Variants in CNOT6 observed in about 807,000 individuals in gnomAD.
CNOT6 encodes the protein CCR4-NOT transcription complex subunit 6, also known as carbon catabolite repression 4 protein.
In CNOT6, 12 loss-of-function variants were observed where a neutral mutation model predicts 61.2. The observed-to-expected ratio is 0.20, with a 90% CI of 0.13 to 0.32. CNOT6 has a LOEUF of 0.32. Ranked by LOEUF, CNOT6 falls within the 10% of genes least tolerant of loss-of-function variation. CNOT6 has a pLI of 1.00. For missense variants in CNOT6, 405 were observed against 663.9 expected, an observed-to-expected ratio of 0.61 and a Z score of 4.28; for synonymous variants, 225 against 240.6, an observed-to-expected ratio of 0.94 and a Z score of 0.60.
intron 1 of CNOT6, among the ~76,000 whole-genome samples, chr5:180,514,306 C>T (rs1321455706): frequency 6.6e-6 from 1 of 152,116 alleles, no homozygotes; most frequent in Non-Finnish European, 1.5e-5. Context: ...CCTGTAATCC[C>T]ATCTACTCGG....
chr5:180,564,474 C>A lies in CNOT6; in HGVS notation c.386-15C>A. 1 of 1,556,900 alleles carries A rather than the reference C, an allele frequency of 6.4e-7. No individual in the cohort carries two copies. Among genetic ancestry groups the A allele is most frequent in the Non-Finnish European group, 8.8e-7 (1 of 1,137,568 alleles). On this transcript the variant is annotated splice_polypyrimidine_tract_variant and intron_variant, in intron 4 of 11. Coordinates refer to ENST00000261951, the MANE Select transcript of CNOT6 (RefSeq NM_001370472.1). ...TTACTTAGTTTCATTTTACTTATTT[C>A]AAAAATATTTCCAGGAAATCCCCTT...
rs1007172152 is a variant in CNOT6, at chr5:180,550,033, A to G, written c.215A>G (p.Lys72Arg). Residue 72 changes from lysine (K) to arginine (R), a missense_variant, in exon 3 of 12, where the codon AAG becomes AGG. By Grantham distance (26) the Lys-to-Arg change is conservative. Transcript: ENST00000261951. ...SLSRIPSDIA[K>R]LHNLVYLDLS... ...TCCCGAATTCCTTCAGACATTGCCA[A>G]GCTTCACAATCTGGTGTATTTGGAC... The G allele has an allele frequency of 3.7e-6, 6 of 1,614,068 alleles. No homozygotes were observed. The Admixed American group carries it at 6.7e-5, about 18-fold the overall frequency.
intron 2 of CNOT6, among the ~76,000 whole-genome samples, chr5:180,541,294 A>G (rs1199517130): frequency 1.3e-5 from 2 of 151,104 alleles, no homozygotes; most frequent in Non-Finnish European, 2.9e-5. Context: ...GCGCACCACC[A>G]CATCTGGCTA....
chr5:180,549,512 T>C (rs1041452244), intron 2 of CNOT6, among the ~76,000 whole-genome samples: 6 of 151,972 alleles, frequency 3.9e-5, no homozygotes, highest in Non-Finnish European at 5.9e-5. Context: ...TAGCCGGGCA[T>C]GGTGGCGGGT....
intron 10 of CNOT6, among the ~76,000 whole-genome samples, 157 bp downstream of exon 10, chr5:180,569,497 C>G (rs962768237): frequency 6.6e-6 from 1 of 152,060 alleles, no homozygotes; most frequent in African/African-American, 2.4e-5. Context: ...GTGGAGGGGC[C>G]ATTTTGAAGA....
At chr5:180,514,279 A>C (rs974694874) in intron 1 of CNOT6, among the ~76,000 whole-genome samples, 1 of 152,068 alleles carries the variant, frequency 6.6e-6, no homozygotes, top group African/African-American at 2.4e-5. Context: ...AAAATCAGCC[A>C]CATGTGTTGG....
intron 1 of CNOT6, among the ~76,000 whole-genome samples, chr5:180,502,896 A>G (rs538320258): frequency 1.2e-3 from 185 of 152,358 alleles, no homozygotes; most frequent in African/African-American, 4.1e-3. Flanking sequence ...TCAGCATCAT[A>G]AAACAATATT....
In CNOT6 at chr5:180,573,604, CGT is replaced by C. The variant is rs1262080683; in HGVS notation, c.1462-383_1462-382del. On this transcript the variant is annotated intron_variant, in intron 11 of 11. Transcript: ENST00000261951. ...GTGTGTGTGTGTGTGTGTGTGTGTC[CGT>C]CCGTCCGTCCGTCCTGGGGCAGGAA... 3.2e-3 allele frequency among the ~76,000 whole-genome samples: 47 copies of C among 14,544 alleles called. 1 individual carries two copies. Among genetic ancestry groups the C allele is most frequent in the African/African-American group, 6.9e-3 (44 of 6,408 alleles). 9.5% of individuals were successfully genotyped at this position (14,544 alleles called of 152,430 possible).
chr5:180,557,501 T>C (rs752194173), intron 4 of CNOT6, among the ~76,000 whole-genome samples: 2 of 152,232 alleles, frequency 1.3e-5, no homozygotes, highest in Non-Finnish European at 2.9e-5. Context: ...TTGCAGGTGC[T>C]TATTTGTCAT....
chr5:180,577,311 C>G lies in CNOT6; in HGVS notation c.*3111C>G, dbSNP rs992398064. 1 of 152,464 alleles carries G rather than the reference C, an allele frequency of 6.6e-6. No individual in the cohort carries two copies. The highest frequency in any genetic ancestry group is 2.4e-5 in the African/African-American group (1 of 41,390). The allele number at this position is 152,464 out of a possible 1,614,324, so 9.4% of individuals were successfully genotyped here. ...CTTCTAAATGTTTAAATTAAAATTT[C>G]AAAGCTCTTTCGAGATTCAGGTTCT... On this transcript the variant is annotated 3_prime_UTR_variant, in exon 12 of 12. Transcript: ENST00000261951.
intron 1 of CNOT6, among the ~76,000 whole-genome samples, chr5:180,515,470 G>A (rs1397442788): frequency 6.6e-6 from 1 of 152,104 alleles, no homozygotes; most frequent in East Asian, 1.9e-4. Flanking sequence ...CTAAGTTGAG[G>A]TAGTAGAGGA....
At chr5:180,554,698 T>A (rs964745377) in intron 4 of CNOT6, among the ~76,000 whole-genome samples, 1 of 152,164 alleles carries the variant, frequency 6.6e-6, no homozygotes, top group Non-Finnish European at 1.5e-5. Context: ...TATTTCCCAG[T>A]CTAGCTGTTT....
At chr5:180,536,279 G>A (rs1010920219) in intron 2 of CNOT6, among the ~76,000 whole-genome samples, 10 of 152,070 alleles carry the variant, frequency 6.6e-5, no homozygotes, top group Non-Finnish European at 1.5e-4. Context: ...GATTACAGGT[G>A]TGAGCCACCG....
intron 1 of CNOT6, among the ~76,000 whole-genome samples, chr5:180,516,290 C>T (rs1757634655): frequency 6.6e-6 from 1 of 151,700 alleles, no homozygotes; most frequent in Non-Finnish European, 1.5e-5. Flanking sequence ...AATCGATTCT[C>T]CTGCCTCAGC....
At chr5:180,569,886 G>A (rs549323352) in intron 10 of CNOT6, among the ~76,000 whole-genome samples, 13 of 152,272 alleles carry the variant, frequency 8.5e-5, no homozygotes, top group African/African-American at 2.2e-4. Context: ...CGCTCTTTCC[G>A]TGGATAGTAT....
rs201149749 is a variant in CNOT6, at chr5:180,500,443, T to TTC, written c.-3+5681_-3+5682insCT. Among the ~76,000 whole-genome samples, 329 of 115,350 alleles carry TTC rather than the reference T, an allele frequency of 2.9e-3. 2 individuals carry two copies. The highest frequency in any genetic ancestry group is 5.3e-3 in the Non-Finnish European group (264 of 49,734). 75.7% of individuals were successfully genotyped at this position (115,350 alleles called of 152,430 possible). On this transcript the variant is annotated intron_variant, in intron 1 of 11. Coordinates refer to ENST00000261951, the MANE Select transcript of CNOT6 (RefSeq NM_001370472.1). ...ACGTTTTCTTTTTCTTTTCTTTTCT[T>TTC]TTTTTTTTTTTTGAGATGGAGTCTC...
intron 7 of CNOT6, among the ~76,000 whole-genome samples, chr5:180,566,853 A>G (rs1298890974): frequency 2.0e-5 from 3 of 151,536 alleles, no homozygotes; most frequent in Non-Finnish European, 2.9e-5. Flanking sequence ...GGGTTTCGCC[A>G]TGTTGGCCAG....
chr5:180,535,538 A>G (rs181960872), intron 2 of CNOT6, among the ~76,000 whole-genome samples: 81 of 152,172 alleles, frequency 5.3e-4, no homozygotes, highest in Admixed American at 1.2e-3. Flanking sequence ...TATACACTGC[A>G]TTTTCTTTAT....
chr5:180,560,937 T>TGG (rs1561661479), intron 4 of CNOT6, among the ~76,000 whole-genome samples: 30 of 138,336 alleles, frequency 2.2e-4, no homozygotes, highest in Non-Finnish European at 4.3e-4. Flanking sequence ...GGTGGTGGTG[T>TGG]TGGTCTGTGT....
Sources: allele counts gnomAD v4.1 joint callset (sites outside exome capture counted in the v4.1 genomes callset), GRCh38; gene constraint gnomAD v4.1.1; transcripts MANE v1.5; gene names NCBI Gene and HGNC (gene_info 2026-07-23, HGNC 2026-07-21).